Variants in WWOX observed in about 807,000 individuals in gnomAD.
The protein encoded by WWOX is WW domain containing oxidoreductase.
WWOX carries 69 observed loss-of-function variants against 46.2 expected under a neutral mutation model. That is an observed-to-expected ratio of 1.49 (90% CI 1.23 to 1.82). The LOEUF is 1.82. WWOX is among the 40% of genes most tolerant of loss of function. The pLI, the probability that WWOX is intolerant of heterozygous loss-of-function variation, is 0.00. For synonymous variants in WWOX, 359 were observed against 202.6 expected, an observed-to-expected ratio of 1.77 and a Z score of -6.56; for missense variants, 919 against 542.6, an observed-to-expected ratio of 1.69 and a Z score of -6.89.
At chr16:78,464,684 G>C (rs2084031467) in intron 8 of WWOX, among the ~76,000 whole-genome samples, 1 of 152,068 alleles carries the variant, frequency 6.6e-6, no homozygotes, top group African/African-American at 2.4e-5. Context: ...TTCTTACGTT[G>C]CCCCCACCCG....
intron 8 of WWOX, among the ~76,000 whole-genome samples, chr16:78,594,045 GGAGATGT>G (rs1188127976): frequency 7.2e-5 from 11 of 152,228 alleles, no homozygotes; most frequent in African/African-American, 2.6e-4. Flanking sequence ...ATCGTGAGGC[GGAGATGT>G]GAGATGTGAT....
At chr16:78,673,404 C>T (rs1000914225) in intron 8 of WWOX, among the ~76,000 whole-genome samples, 2 of 152,154 alleles carry the variant, frequency 1.3e-5, no homozygotes, top group Admixed American at 6.5e-5. Flanking sequence ...GTTATCTTAG[C>T]CAACTGTGAA....
chr16:78,514,985 C>T (rs1032001185), intron 8 of WWOX, among the ~76,000 whole-genome samples: 11 of 151,956 alleles, frequency 7.2e-5, no homozygotes, highest in African/African-American at 2.4e-4. Context: ...TTGGGGAGGC[C>T]GAGGCAGGTG....
At chr16:78,630,004 T>C (rs1313132534) in intron 8 of WWOX, among the ~76,000 whole-genome samples, 1 of 152,208 alleles carries the variant, frequency 6.6e-6, no homozygotes, top group Non-Finnish European at 1.5e-5. Flanking sequence ...TTCCCTGCCT[T>C]CTTTTTTTCT....
At chr16:78,190,620 T>C (rs1284973988) in intron 5 of WWOX, among the ~76,000 whole-genome samples, 2 of 152,098 alleles carry the variant, frequency 1.3e-5, no homozygotes, top group Non-Finnish European at 2.9e-5. Context: ...AGTGATTGGC[T>C]CAGATCCTGC....
intron 8 of WWOX, among the ~76,000 whole-genome samples, chr16:78,673,083 G>T (rs1432457770): frequency 1.3e-5 from 2 of 152,332 alleles, no homozygotes; most frequent in South Asian, 2.1e-4. Context: ...TGCTTAGAGG[G>T]CTCAGAGGGA....
intron 5 of WWOX, among the ~76,000 whole-genome samples, chr16:78,321,093 C>G (rs1376412780): frequency 1.3e-5 from 2 of 151,882 alleles, no homozygotes; most frequent in Admixed American, 6.6e-5. Context: ...TGCCTGAACA[C>G]CAGAGTGTCT....
At chr16:78,150,699 G>A (rs964141406) in intron 4 of WWOX, among the ~76,000 whole-genome samples, 2 of 152,130 alleles carry the variant, frequency 1.3e-5, no homozygotes, top group African/African-American at 4.8e-5. Flanking sequence ...GATTCTTAGA[G>A]AGGTTTTGTT....
intron 8 of WWOX, among the ~76,000 whole-genome samples, chr16:78,660,401 C>T (rs2047183468): frequency 1.3e-5 from 2 of 152,066 alleles, no homozygotes; most frequent in South Asian, 4.2e-4. Context: ...TGATATGCTT[C>T]CTGAGAGGTG....
At chr16:78,254,912 T>G (rs1198816820) in intron 5 of WWOX, among the ~76,000 whole-genome samples, 1 of 152,192 alleles carries the variant, frequency 6.6e-6, no homozygotes, top group East Asian at 1.9e-4. Context: ...GAAAACCCAC[T>G]GTCTGCCCAG....
intron 8 of WWOX, among the ~76,000 whole-genome samples, chr16:79,015,464 G>T (rs1164030109): frequency 6.6e-6 from 1 of 152,152 alleles, no homozygotes; most frequent in Non-Finnish European, 1.5e-5. Context: ...CTGAGTGTCT[G>T]CTGCATAGTA....
intron 7 of WWOX, among the ~76,000 whole-genome samples, chr16:78,427,194 G>C (rs545356458): frequency 6.6e-6 from 1 of 152,110 alleles, no homozygotes; most frequent in Non-Finnish European, 1.5e-5. Context: ...GAATCTCTTC[G>C]TTGGAGTTAA....
chr16:78,422,889 A>T (rs200884603), intron 6 of WWOX, among the ~76,000 whole-genome samples: 26,142 of 121,642 alleles, frequency 0.21, 6,241 homozygotes, highest in African/African-American at 0.61. Context: ...ACACACATAT[A>T]TTTTTTTTTT....
At chr16:79,056,036 T>A (rs74034327) in intron 8 of WWOX, among the ~76,000 whole-genome samples, 199 of 152,300 alleles carry the variant, frequency 1.3e-3, no homozygotes, top group African/African-American at 4.7e-3. Context: ...ATAGAAGGCT[T>A]TAATTGATAG....
At chr16:78,640,150 A>G (rs534527229) in intron 8 of WWOX, among the ~76,000 whole-genome samples, 83 of 149,734 alleles carry the variant, frequency 5.5e-4, no homozygotes, top group Admixed American at 4.8e-3. Flanking sequence ...GGAGGCCGAT[A>G]GAGAGTGTCT....
intron 8 of WWOX, among the ~76,000 whole-genome samples, chr16:78,872,423 G>T (rs974749003): frequency 6.6e-6 from 1 of 152,180 alleles, no homozygotes; most frequent in African/African-American, 2.4e-5. Context: ...AAAGAAGGGA[G>T]TTAAAGGAAA....
chr16:78,991,487 G>C (rs2046885514), intron 8 of WWOX, among the ~76,000 whole-genome samples: 1 of 151,588 alleles, frequency 6.6e-6, no homozygotes, highest in South Asian at 2.1e-4. Flanking sequence ...TGTAGTCCCA[G>C]CTACTCAGGA....
At chr16:78,965,970 A>T (rs190356672) in intron 8 of WWOX, among the ~76,000 whole-genome samples, 44 of 152,264 alleles carry the variant, frequency 2.9e-4, no homozygotes, top group African/African-American at 1.0e-3. Context: ...GAGGAAGGAG[A>T]TGCTGTGATT....
chr16:78,894,733 CA>C (rs1339163945), intron 8 of WWOX, among the ~76,000 whole-genome samples: 2 of 152,130 alleles, frequency 1.3e-5, no homozygotes, highest in Admixed American at 6.5e-5. Context: ...TGCAATTAAA[CA>C]AGATTGGGAA....
Sources: allele counts gnomAD v4.1 joint callset (sites outside exome capture counted in the v4.1 genomes callset), GRCh38; gene constraint gnomAD v4.1.1; transcripts MANE v1.5; gene names NCBI Gene and HGNC (gene_info 2026-07-23, HGNC 2026-07-21).